SUGCT: variants seen among roughly 807,000 people sequenced by gnomAD.
SUGCT encodes the protein succinyl-CoA:glutarate CoA-transferase.
SUGCT carries 41 observed loss-of-function variants against 55.0 expected under a neutral mutation model. The ratio of observed to expected loss-of-function variants is 0.74; its 90% CI spans 0.58 to 0.97. The LOEUF is 0.97. Among genes scored for constraint, SUGCT ranks in the 50% least tolerant of loss-of-function variants. The pLI is 0.00. For synonymous variants in SUGCT, 187 were observed against 200.4 expected (o/e 0.93, Z 0.56); for missense variants, 568 against 547.8 (o/e 1.04, Z -0.37).
intron 13 of SUGCT, among the ~76,000 whole-genome samples, chr7:40,777,597 C>G (rs1789528641): frequency 6.6e-6 from 1 of 152,132 alleles, no homozygotes; most frequent in South Asian, 2.1e-4. Context: ...AGGAGCTACA[C>G]TAGGAGCCAG....
chr7:40,180,118 T>G (rs1161130462), intron 1 of SUGCT, among the ~76,000 whole-genome samples: 1 of 151,844 alleles, frequency 6.6e-6, no homozygotes, highest in Non-Finnish European at 1.5e-5. Flanking sequence ...ATTGCTGTGA[T>G]TGTGATAGTA....
intron 6 of SUGCT, among the ~76,000 whole-genome samples, chr7:40,225,610 A>G (rs760721699): frequency 7.3e-5 from 11 of 151,648 alleles, no homozygotes; most frequent in Non-Finnish European, 1.2e-4. Context: ...TAGTTTTTGT[A>G]TTTTTAGTAG....
chr7:40,399,264 G>GA (rs971028904), intron 9 of SUGCT, among the ~76,000 whole-genome samples: 3 of 151,486 alleles, frequency 2.0e-5, no homozygotes, highest in African/African-American at 4.8e-5. Flanking sequence ...AAAAGCCAAG[G>GA]AAAAAAAATG....
intron 6 of SUGCT, among the ~76,000 whole-genome samples, chr7:40,213,516 G>A (rs1211241812): frequency 6.6e-6 from 1 of 152,106 alleles, no homozygotes; most frequent in East Asian, 1.9e-4. Flanking sequence ...TCTTCGTTAG[G>A]ATGGTATCTG....
At chr7:40,240,166 A>C (rs1424989015) in intron 7 of SUGCT, among the ~76,000 whole-genome samples, 3 of 152,184 alleles carry the variant, frequency 2.0e-5, no homozygotes, top group Non-Finnish European at 4.4e-5. Context: ...GTGGTTTGAC[A>C]GCTAAAGATA....
At chr7:40,474,091 T>C (rs1175193887) in intron 11 of SUGCT, among the ~76,000 whole-genome samples, 1 of 152,148 alleles carries the variant, frequency 6.6e-6, no homozygotes, top group Non-Finnish European at 1.5e-5. Flanking sequence ...TCAAGGAATG[T>C]TTAATTAATG....
At chr7:40,411,967 G>A (rs1786720675) in intron 9 of SUGCT, among the ~76,000 whole-genome samples, 1 of 152,086 alleles carries the variant, frequency 6.6e-6, no homozygotes, top group Non-Finnish European at 1.5e-5. Context: ...TGATGGTGGT[G>A]GACAAAAACG....
chr7:40,181,947 CATT>C lies in SUGCT; in HGVS notation c.153-7_153-5del. The stretch of plus-strand genomic sequence containing the variant: ...TAATTAATTTATTTATCATTTTTAA[CATT>C]GTAGAGTCCTGGCGGGACCTTTTGC... On this transcript the variant is annotated splice_polypyrimidine_tract_variant and splice_region_variant and intron_variant, in intron 2 of 13. Coordinates refer to ENST00000335693, the MANE Select transcript of SUGCT (RefSeq NM_001193313.2). 1 of 1,536,526 alleles carries C rather than the reference CATT, an allele frequency of 6.5e-7. No homozygotes were observed. Among genetic ancestry groups the C allele is most frequent in the Non-Finnish European group, 8.9e-7 (1 of 1,125,908 alleles).
At chr7:40,448,910 GTGTGTGTGTATATA>G (rs1789015261) in intron 9 of SUGCT, among the ~76,000 whole-genome samples, 1 of 148,210 alleles carries the variant, frequency 6.7e-6, no homozygotes, top group African/African-American at 2.6e-5. Context: ...ACATATGTGT[GTGTGTGTGTATATA>G]TGTGTGTGTG....
the SUGCT span, among the ~76,000 whole-genome samples, chr7:40,928,661 G>A: frequency 5.3e-5 from 8 of 150,678 alleles, no homozygotes; most frequent in South Asian, 2.1e-4. Flanking sequence ...GTGCAGTGGC[G>A]TGATCTCGGC....
chr7:40,218,007 A>T (rs1787771490), intron 6 of SUGCT, among the ~76,000 whole-genome samples: 1 of 152,110 alleles, frequency 6.6e-6, no homozygotes, highest in African/African-American at 2.4e-5. Context: ...TGAGGTCAGG[A>T]GTTTGAGATC....
At chr7:40,662,467 G>A (rs1338648292) in intron 12 of SUGCT, among the ~76,000 whole-genome samples, 2 of 152,236 alleles carry the variant, frequency 1.3e-5, no homozygotes, top group African/African-American at 4.8e-5. Flanking sequence ...ACCAGACCCT[G>A]CCTAGTCCTC....
At chr7:40,524,752 A>G (rs1025414802) in intron 12 of SUGCT, among the ~76,000 whole-genome samples, 2 of 152,124 alleles carry the variant, frequency 1.3e-5, no homozygotes, top group South Asian at 4.1e-4. Flanking sequence ...GTAGTTTTTT[A>G]ATAGTTACAT....
chr7:40,467,783 A>G (rs1260244059), intron 11 of SUGCT, among the ~76,000 whole-genome samples: 1 of 152,142 alleles, frequency 6.6e-6, no homozygotes, highest in Non-Finnish European at 1.5e-5. Context: ...AACTAGTATT[A>G]TAGTAGTAAT....
chr7:40,153,976 G>A (rs778635912), intron 1 of SUGCT: 3 of 296,002 alleles, frequency 1.0e-5, no homozygotes, highest in Non-Finnish European at 2.0e-5. Flanking sequence ...CAAGCTGTAC[G>A]ATGTACTCAG....
At chr7:40,951,406 G>T in the SUGCT span, among the ~76,000 whole-genome samples, 2 of 151,996 alleles carry the variant, frequency 1.3e-5, no homozygotes, top group African/African-American at 2.4e-5. Flanking sequence ...CAAAAAACCA[G>T]CTCCCAGATT....
chr7:40,294,599 A>G (rs184311713), intron 8 of SUGCT, among the ~76,000 whole-genome samples: 37 of 152,254 alleles, frequency 2.4e-4, no homozygotes, highest in Middle Eastern at 3.4e-3. Flanking sequence ...GCTGGAGTGC[A>G]GTGGCATTGT....
At chr7:40,371,612 T>G (rs1784298699) in intron 9 of SUGCT, among the ~76,000 whole-genome samples, 1 of 152,196 alleles carries the variant, frequency 6.6e-6, no homozygotes, top group Non-Finnish European at 1.5e-5. Context: ...ATATTATACA[T>G]TGTTTAAAAA....
intron 13 of SUGCT, among the ~76,000 whole-genome samples, chr7:40,836,538 G>A (rs12538963): frequency 0.015 from 2,301 of 152,214 alleles, 144 homozygotes; most frequent in East Asian, 0.1. Context: ...GAATATACCC[G>A]TGATCAATGT....
Sources: gnomAD v4.1 joint callset for allele counts (sites outside exome capture counted in the v4.1 genomes callset) on GRCh38, gnomAD v4.1.1 for gene constraint, MANE v1.5 for transcripts, NCBI Gene and HGNC (gene_info 2026-07-23, HGNC 2026-07-21) for gene names.